The following ADAMTS9 variants were observed in gnomAD, a reference collection of about 807,000 sequenced individuals.
ADAMTS9 encodes the protein A disintegrin and metalloproteinase with thrombospondin motifs 9.
Under a neutral mutation model 257.1 loss-of-function variants are expected in ADAMTS9, and 107 were observed. The observed-to-expected ratio is 0.42, with a 90% CI of 0.36 to 0.49. The LOEUF (loss-of-function observed/expected upper bound fraction) is 0.49, where lower values mean the gene tolerates loss of function less well. ADAMTS9 is among the 20% of genes least tolerant of loss of function. ADAMTS9 has a pLI of 0.03. For missense variants in ADAMTS9, 2,353 were observed against 2,469.1 expected, an observed-to-expected ratio of 0.95 and a Z score of 1.00; for synonymous variants, 982 against 880.9, an observed-to-expected ratio of 1.11 and a Z score of -2.03.
Position 64,541,402 on chromosome 3 carries a change from C to T in ADAMTS9, c.5305G>A (p.Gly1769Arg), listed in dbSNP as rs1251344930. The change falls in exon 35 of 40, where the codon GGG becomes AGG. Residue 1769 changes from glycine to arginine, a missense_variant. Gly to Arg is a moderately radical substitution (Grantham distance 125, BLOSUM62 -2). Around this residue, in one of 3 missense-constraint regions of ADAMTS9, gnomAD observed 1,402 missense variants for 1,441.4 expected, o/e 0.97. Transcript: ENST00000498707. ...RGKLLKIFCA[G>R]MHSDHPKEYV... The stretch of plus-strand genomic sequence containing the variant: ...TCTTTGGGGTGGTCAGAGTGCATCC[C>T]CGCACAGAATATCTGAAAGACCATA... The T allele has an allele frequency of 6.2e-7, 1 of 1,614,088 alleles. No individual in the cohort carries two copies. Among genetic ancestry groups the T allele is most frequent in the Admixed American group, 1.7e-5 (1 of 60,028 alleles).
intron 8 of ADAMTS9, 37 bp from the exon 9 acceptor site, chr3:64,651,200 AC>A: frequency 6.5e-7 from 1 of 1,531,296 alleles, no homozygotes; most frequent in South Asian, 1.3e-5. Flanking sequence ...ATGTCAATAA[AC>A]ACCAAGGGAT....
intron 19 of ADAMTS9, among the ~76,000 whole-genome samples, chr3:64,619,851 T>A (rs1700061576): frequency 6.6e-6 from 1 of 152,142 alleles, no homozygotes; most frequent in Non-Finnish European, 1.5e-5. Context: ...TTCCCCAAAC[T>A]GTAGTGATTA....
At chr3:64,671,531 A>C (rs1701487425) in intron 3 of ADAMTS9, among the ~76,000 whole-genome samples, 1 of 152,252 alleles carries the variant, frequency 6.6e-6, no homozygotes, top group Admixed American at 6.5e-5. Flanking sequence ...ATAAAAAATA[A>C]TTAGCAGAAA....
intron 12 of ADAMTS9, among the ~76,000 whole-genome samples, chr3:64,637,614 A>G (rs1700531105): frequency 1.3e-5 from 2 of 152,256 alleles, no homozygotes; most frequent in Admixed American, 1.3e-4. Context: ...GGGTTTGAAC[A>G]GAAATCAACT....
At chr3:64,601,022 C>T (rs1576103006) in intron 26 of ADAMTS9, among the ~76,000 whole-genome samples, 1 of 152,292 alleles carries the variant, frequency 6.6e-6, no homozygotes, top group Admixed American at 6.5e-5. Flanking sequence ...CCCCCTCCTG[C>T]AGTTCCATTT....
At chr3:64,653,203 C>A (rs1023921762) in intron 8 of ADAMTS9, among the ~76,000 whole-genome samples, 4 of 152,068 alleles carry the variant, frequency 2.6e-5, no homozygotes, top group Non-Finnish European at 5.9e-5. Context: ...CAAGTCCCAC[C>A]GCCACTAAGC....
At chr3:64,672,583 T>C (rs1325706902) in intron 3 of ADAMTS9, among the ~76,000 whole-genome samples, 1 of 152,132 alleles carries the variant, frequency 6.6e-6, no homozygotes, top group Non-Finnish European at 1.5e-5. Context: ...CTTGGGAGGC[T>C]GAGGCACAAG....
intron 3 of ADAMTS9, among the ~76,000 whole-genome samples, chr3:64,662,228 C>T (rs1373811790): frequency 6.6e-6 from 1 of 151,918 alleles, no homozygotes; most frequent in African/African-American, 2.4e-5. Context: ...CATTTTTTGT[C>T]TGTAATGGAT....
intron 39 of ADAMTS9, 139 bp downstream of exon 39, chr3:64,522,027 G>C: frequency 1.5e-6 from 1 of 656,004 alleles, no homozygotes; most frequent in Non-Finnish European, 2.7e-6. Context: ...AGGAGCAGGA[G>C]ATAAAAAGGT....
chr3:64,649,617 A>C lies in ADAMTS9; in HGVS notation c.1605+20T>G. 6.3e-7 allele frequency: 1 copy of C among 1,597,470 alleles called. No individual in the cohort carries two copies. Among genetic ancestry groups the C allele is most frequent in the Non-Finnish European group, 8.5e-7 (1 of 1,171,196 alleles). The stretch of plus-strand genomic sequence containing the variant: ...TGCAGAATCAGTAGATGAGGGCAGA[A>C]GTGGCCCTCCTACACTTACCATATA... On this transcript the variant is annotated intron_variant, in intron 10 of 39. Coordinates refer to ENST00000498707, the MANE Select transcript of ADAMTS9 (RefSeq NM_182920.2).
intron 12 of ADAMTS9, 107 bp from the exon 13 acceptor site, chr3:64,633,986 G>A (rs1038118642): frequency 5.6e-6 from 6 of 1,066,608 alleles, no homozygotes; most frequent in Non-Finnish European, 8.1e-6. Context: ...GTAAATCTAG[G>A]GTGGCAAATG....
Position 64,655,607 on chromosome 3 carries a change from T to C in ADAMTS9, c.1138A>G (p.Ile380Val), listed in dbSNP as rs747596380. The C allele has an allele frequency of 4.2e-5, 67 of 1,613,996 alleles. No individual in the cohort carries two copies. The highest frequency in any genetic ancestry group is 6.7e-5 in the Admixed American group (4 of 60,002). The change falls in exon 6 of 40, where the codon ATC (isoleucine) becomes GTC (valine). Residue 380 changes from isoleucine to valine, a missense_variant. This residue lies in a region of ADAMTS9 where 591 missense variants were observed against 569.6 expected (regional missense o/e 1.04). Transcript: ENST00000498707. ...AAGAGAACAGCAGTATCATGATGGATTCCACCTGGACTGTTCTTCGAATGC... is the reference window on the plus strand; with the variant it reads ...AAGAGAACAGCAGTATCATGATGGACTCCACCTGGACTGTTCTTCGAATGC... ...WQHSKNSPGGIHHDTAVLLTR... is the reference protein window; with the variant it reads ...WQHSKNSPGGVHHDTAVLLTR...
intron 6 of ADAMTS9, among the ~76,000 whole-genome samples, chr3:64,654,994 T>C (rs1275698800): frequency 2.6e-5 from 4 of 152,174 alleles, no homozygotes; most frequent in African/African-American, 9.7e-5. Context: ...ATGACCACAA[T>C]TGAGATGGCA....
rs1040935988 is a variant in ADAMTS9, at chr3:64,516,166, G to T, written c.*961C>A. On this transcript the variant is annotated 3_prime_UTR_variant, in exon 40 of 40. Coordinates refer to ENST00000498707, the MANE Select transcript of ADAMTS9 (RefSeq NM_182920.2). Reference sequence around the variant, plus strand: ...CTCCAGGTGTGCTCGTGAGCTGAAGGTCATGCCCATTCTGTGCATCCTGTG... The same window carrying T: ...CTCCAGGTGTGCTCGTGAGCTGAAGTTCATGCCCATTCTGTGCATCCTGTG... The T allele has an allele frequency of 6.6e-6, 1 of 152,322 alleles. No homozygotes were observed. Among genetic ancestry groups the T allele is most frequent in the Admixed American group, 6.6e-5 (1 of 15,264 alleles). The allele number at this position is 152,322 out of a possible 1,614,324, so 9.4% of individuals were successfully genotyped here.
At chr3:64,519,457 T>C (rs1364063927) in intron 39 of ADAMTS9, among the ~76,000 whole-genome samples, 1 of 152,120 alleles carries the variant, frequency 6.6e-6, no homozygotes. Context: ...ATGAAACCTC[T>C]ATCATCCTGA....
chr3:64,577,116 A>G (rs561890957), intron 28 of ADAMTS9, among the ~76,000 whole-genome samples: 27 of 152,324 alleles, frequency 1.8e-4, no homozygotes, highest in African/African-American at 3.8e-4. Flanking sequence ...GTTCTCCAAG[A>G]GTGGAAATAT....
At chr3:64,541,769 G>C (rs757096350) in intron 33 of ADAMTS9, 69 bp downstream of exon 33, 10 of 1,593,314 alleles carry the variant, frequency 6.3e-6, no homozygotes, top group Non-Finnish European at 8.6e-6. Flanking sequence ...AAAAAGGGCA[G>C]GCAATCAAAT....
chr3:64,633,129 G>A (rs1039737904), intron 14 of ADAMTS9, among the ~76,000 whole-genome samples: 1 of 152,194 alleles, frequency 6.6e-6, no homozygotes, highest in African/African-American at 2.4e-5. Flanking sequence ...AAAATTTGCT[G>A]TCAGGAAGCA....
chr3:64,616,140 A>T lies in ADAMTS9; in HGVS notation c.2844T>A (p.Ser948Arg), dbSNP rs1373754080. ...TGCGGTAACCCAAGCCACACTGGGCACTACATTCACTCCTGCTGGCAACAT... is the reference window on the plus strand; with the variant it reads ...TGCGGTAACCCAAGCCACACTGGGCTCTACATTCACTCCTGCTGGCAACAT... ...RWHVASRSEC[S>R]AQCGLGYRTL... The change falls in exon 20 of 40, where the codon AGT becomes AGA. Residue 948 changes from serine to arginine, a missense_variant. By Grantham distance (110) the Ser-to-Arg change is moderately radical (BLOSUM62 -1). Transcript: ENST00000498707. The T allele has an allele frequency of 6.2e-7, 1 of 1,614,126 alleles. No individual in the cohort carries two copies. Among genetic ancestry groups the T allele is most frequent in the Admixed American group, 1.7e-5 (1 of 60,010 alleles).
Sources: allele counts gnomAD v4.1 joint callset (sites outside exome capture counted in the v4.1 genomes callset), GRCh38; gene constraint gnomAD v4.1.1; regional missense constraint gnomAD v4.1.1; transcripts MANE v1.5; gene names NCBI Gene and HGNC (gene_info 2026-07-23, HGNC 2026-07-21).